The following SHROOM3 variants were observed in gnomAD, a reference collection of about 807,000 sequenced individuals.
SHROOM3 encodes the protein protein Shroom3.
Under a neutral mutation model 138.6 loss-of-function variants are expected in SHROOM3, and 47 were observed. The observed-to-expected ratio is 0.34, with a 90% confidence interval of 0.27 to 0.43. SHROOM3 has a LOEUF of 0.43. Among genes scored for constraint, SHROOM3 ranks in the 20% least tolerant of loss-of-function variants. The pLI, the probability that SHROOM3 is intolerant of heterozygous loss-of-function variation, is 1.00. For missense variants in SHROOM3, 2,491 were observed against 2,596.5 expected (o/e 0.96, Z 0.88); for synonymous variants, 1,062 against 1,063.3 (o/e 1.00, Z 0.02).
chr4:76,450,581 C>T lies in SHROOM3; in HGVS notation c.168+14361C>T, dbSNP rs376053168. Among the ~76,000 whole-genome samples the T allele has an allele frequency of 6.6e-5, 10 of 152,248 alleles. 1 individual carries two copies. Among genetic ancestry groups the T allele is most frequent in the African/African-American group, 2.4e-4 (10 of 41,542 alleles). ...GGAACTGAGTTACAACATGTATGAA[C>T]TTTGAAAATATTATGCTCAGTGAAA... On this transcript the variant is annotated intron_variant, in intron 1 of 10. Transcript: ENST00000296043.
Position 76,647,271 on chromosome 4 carries a change from G to T in SHROOM3, c.324-62885G>T, listed in dbSNP as rs918003108. 5.3e-5 allele frequency among the ~76,000 whole-genome samples: 8 copies of T among 152,150 alleles called. No individual in the cohort carries two copies. In the East Asian group the frequency reaches 9.6e-4, roughly 18 times the overall value. On this transcript the variant is annotated intron_variant, in intron 2 of 10. Transcript: ENST00000296043. ...TATTAAAGGCTGGGAAGGGTAAGTGGGTGAGTGGTGGTGATGAAGAGATGT... is the reference window on the plus strand; with the variant it reads ...TATTAAAGGCTGGGAAGGGTAAGTGTGTGAGTGGTGGTGATGAAGAGATGT...
intron 2 of SHROOM3, among the ~76,000 whole-genome samples, chr4:76,607,199 C>T (rs180875345): frequency 3.2e-4 from 49 of 152,204 alleles, no homozygotes; most frequent in African/African-American, 1.1e-3. Flanking sequence ...TTTTATGGAA[C>T]TAAAGCTTGA....
At position 76,682,071 on chromosome 4, in the gene SHROOM3, C is replaced by T. The variant is rs935675002; in HGVS notation, c.324-28085C>T. On this transcript the variant is annotated intron_variant, in intron 2 of 10. Coordinates refer to ENST00000296043, the MANE Select transcript of SHROOM3 (RefSeq NM_020859.4). ...GCCTTTCTTTGTTAGTCCTAGAAAG[C>T]TGTAATGTCTGCTGGGAAGAAAAAC... Among the ~76,000 whole-genome samples the T allele has an allele frequency of 1.2e-4, 19 of 152,156 alleles. 1 individual carries two copies. The highest frequency in any genetic ancestry group is 9.8e-4 in the Admixed American group (15 of 15,268).
At position 76,674,775 on chromosome 4, in the gene SHROOM3, G is replaced by C. The variant is rs1718983000; in HGVS notation, c.324-35381G>C. On this transcript the variant is annotated intron_variant, in intron 2 of 10. Transcript: ENST00000296043. ...TCTCCATGTTGCCCAGGCTGGTCTT[G>C]AACTTCTGGGCTCAAGTGATCCGCC... 2.6e-5 allele frequency among the ~76,000 whole-genome samples: 4 copies of C among 151,850 alleles called. 1 individual carries two copies. In the South Asian group the frequency reaches 8.3e-4, roughly 32 times the overall value.
At chr4:76,605,670 T>C (rs957417195) in intron 2 of SHROOM3, among the ~76,000 whole-genome samples, 3 of 152,026 alleles carry the variant, frequency 2.0e-5, no homozygotes, top group Non-Finnish European at 4.4e-5. Flanking sequence ...CCTAATTAAG[T>C]TGCTGAAGAG....
Position 76,741,110 on chromosome 4 carries a change from GC to G in SHROOM3, c.2938del (p.His980ThrfsTer9). ...CCGAGGCGTCGGCCTCCGCCTCCCC[GC>G]ACACGCCCCGGGAGCGGCACAGCGT... ...SPEASASASP[H>X]TPRERHSVTP... On this transcript the variant is annotated frameshift_variant, in exon 5 of 11. Coordinates refer to ENST00000296043, the MANE Select transcript of SHROOM3 (RefSeq NM_020859.4). LOFTEE classifies it high-confidence loss of function. The surrounding 1 kb of genome is among the most constrained non-coding windows in gnomAD (Gnocchi z 6.2). 1 of 1,548,852 alleles carries G rather than the reference GC, an allele frequency of 6.5e-7. No homozygotes were observed. Among genetic ancestry groups the G allele is most frequent in the Non-Finnish European group, 8.7e-7 (1 of 1,147,112 alleles).
intron 2 of SHROOM3, among the ~76,000 whole-genome samples, chr4:76,669,398 A>G (rs1243161292): frequency 6.6e-6 from 1 of 152,198 alleles, no homozygotes; most frequent in African/African-American, 2.4e-5. Flanking sequence ...AGGCAGGCAG[A>G]TCACTTGAGG....
intron 2 of SHROOM3, among the ~76,000 whole-genome samples, chr4:76,584,687 T>G (rs998311401): frequency 1.3e-5 from 2 of 152,196 alleles, no homozygotes; most frequent in East Asian, 3.8e-4. Context: ...GTTGTTAAAT[T>G]TGACATATTC....
intron 1 of SHROOM3, among the ~76,000 whole-genome samples, chr4:76,529,311 T>C (rs554671619): frequency 7.2e-5 from 11 of 151,950 alleles, no homozygotes; most frequent in Non-Finnish European, 1.5e-4. Context: ...GAATATCTTT[T>C]TGTAGGATTC....
intron 2 of SHROOM3, among the ~76,000 whole-genome samples, chr4:76,672,074 AGT>A (rs974169186): frequency 6.5e-4 from 99 of 152,282 alleles, no homozygotes; most frequent in African/African-American, 2.3e-3. Flanking sequence ...TAAGGGAAAG[AGT>A]GTTTTTCAGA....
At position 76,779,468 on chromosome 4, in the gene SHROOM3, T is replaced by C. The variant is rs967214273; in HGVS notation, c.*291T>C. The C allele has an allele frequency of 2.3e-5, 8 of 342,618 alleles. No individual in the cohort carries two copies. The highest frequency in any genetic ancestry group is 4.3e-5 in the Non-Finnish European group (8 of 185,480). The allele number at this position is 342,618 out of a possible 1,614,324, so 21.2% of individuals were successfully genotyped here. A position where few individuals can be genotyped will look rare whatever the true frequency, so the allele number is the denominator to read the frequency against. On this transcript the variant is annotated 3_prime_UTR_variant, in exon 11 of 11. Coordinates refer to ENST00000296043, the MANE Select transcript of SHROOM3 (RefSeq NM_020859.4). ...TTGGAGGGTGTTTGATCATTTAGTTTTTAACAGGCTGAGGCAACATGGATC... is the reference window on the plus strand; with the variant it reads ...TTGGAGGGTGTTTGATCATTTAGTTCTTAACAGGCTGAGGCAACATGGATC...
chr4:76,566,945 C>A (rs533766332), intron 2 of SHROOM3, among the ~76,000 whole-genome samples: 1 of 152,238 alleles, frequency 6.6e-6, no homozygotes, highest in Admixed American at 6.5e-5. Context: ...GTGCTTTTGC[C>A]AGTAGCTAAA....
At chr4:76,689,974 C>G (rs1272551765) in intron 2 of SHROOM3, among the ~76,000 whole-genome samples, 1 of 152,196 alleles carries the variant, frequency 6.6e-6, no homozygotes, top group African/African-American at 2.4e-5. Context: ...AGCATGAAAA[C>G]TTTTCGGAAG....
chr4:76,518,083 C>G (rs62300882), intron 1 of SHROOM3, among the ~76,000 whole-genome samples: 27,796 of 152,092 alleles, frequency 0.18, 3,166 homozygotes, highest in Middle Eastern at 0.26. Context: ...TGTCAACCCT[C>G]AGAAATTGCA....
At chr4:76,603,838 C>CTTTTTTT (rs993165829) in intron 2 of SHROOM3, among the ~76,000 whole-genome samples, 16 of 97,268 alleles carry the variant, frequency 1.6e-4, no homozygotes, top group Non-Finnish European at 2.4e-4. Flanking sequence ...ATCTTGTATT[C>CTTTTTTT]TTTTTTTTTT....
chr4:76,517,727 A>G (rs1469431990), intron 1 of SHROOM3, among the ~76,000 whole-genome samples: 1 of 152,018 alleles, frequency 6.6e-6, no homozygotes, highest in African/African-American at 2.4e-5. Flanking sequence ...TTCTCAGACC[A>G]ATGAGGGCCT....
In SHROOM3 at chr4:76,652,315, C is replaced by A. The variant is rs539629688; in HGVS notation, c.324-57841C>A. Among the ~76,000 whole-genome samples, 129 of 152,228 alleles carry A rather than the reference C, an allele frequency of 8.5e-4. 1 individual carries two copies. Among genetic ancestry groups the A allele is most frequent in the African/African-American group, 2.9e-3 (121 of 41,540 alleles). On this transcript the variant is annotated intron_variant, in intron 2 of 10. Coordinates refer to ENST00000296043, the MANE Select transcript of SHROOM3 (RefSeq NM_020859.4). ...AGAAGCTAAAGATAACCAAGAGAAA[C>A]TGATCATAAATTTGCCTCAAGGTTC...
At chr4:76,765,208 A>G (rs183469458) in intron 9 of SHROOM3, among the ~76,000 whole-genome samples, 1 of 151,692 alleles carries the variant, frequency 6.6e-6, no homozygotes, top group Admixed American at 6.6e-5. Flanking sequence ...GTCTCTTTTT[A>G]AAGTTGTTTT....
In SHROOM3 at chr4:76,752,011, T is replaced by C. The variant is rs1306299139; in HGVS notation, c.3828-2300T>C. On this transcript the variant is annotated intron_variant, in intron 6 of 10. Transcript: ENST00000296043. ...TCTCCAAGACCCATGTTCACACCCA[T>C]GTTCATAGCAGCTGTATTTACTATT... 5.3e-5 allele frequency among the ~76,000 whole-genome samples: 8 copies of C among 152,338 alleles called. No individual in the cohort carries two copies. In the South Asian group the frequency reaches 1.7e-3, roughly 32 times the overall value.
Sources: gnomAD v4.1 joint callset for allele counts (sites outside exome capture counted in the v4.1 genomes callset) on GRCh38, gnomAD v4.1.1 for gene constraint, Gnocchi (gnomAD v3.1) non-coding constraint, MANE v1.5 for transcripts, NCBI Gene and HGNC (gene_info 2026-07-23, HGNC 2026-07-21) for gene names.